Variants in CCDC92 observed in about 807,000 individuals in gnomAD.
CCDC92 encodes the protein coiled-coil domain-containing protein 92.
A neutral mutation model predicts 24.9 loss-of-function variants in CCDC92; 12 were observed. The ratio of observed to expected loss-of-function variants is 0.48; its 90% CI spans 0.31 to 0.78. The LOEUF is 0.78. Among genes scored for constraint, CCDC92 ranks in the 30% least tolerant of loss-of-function variants. The pLI is 0.05. For missense variants in CCDC92, 399 were observed against 439.4 expected (o/e 0.91, Z 0.82); for synonymous variants, 193 against 196.3 (o/e 0.98, Z 0.14).
In CCDC92 at chr12:123,938,861, G is replaced by A. The variant is rs555744953; in HGVS notation, c.224-1031C>T. ...CATCCCTGGCCTCCCCTCCCTGACT[G>A]TGCCTTTCTGCTGGCTGCTCAGTGC... On this transcript the variant is annotated intron_variant, in intron 4 of 4. Coordinates refer to ENST00000238156, the MANE Select transcript of CCDC92 (RefSeq NM_025140.3). 6.6e-5 allele frequency among the ~76,000 whole-genome samples: 10 copies of A among 152,138 alleles called. No individual in the cohort carries two copies. The South Asian group carries it at 2.1e-3, about 32-fold the overall frequency.
At chr12:123,942,350 C>T (rs756141382) in intron 4 of CCDC92, among the ~76,000 whole-genome samples, 24 of 152,238 alleles carry the variant, frequency 1.6e-4, no homozygotes, top group South Asian at 1.0e-3. Flanking sequence ...CCATGCTAGG[C>T]GGCAGCGACA....
intron 1 of CCDC92, chr12:123,968,486 T>C (rs1956444549): frequency 6.6e-6 from 1 of 152,262 alleles, no homozygotes; most frequent in East Asian, 1.9e-4. Context: ...GTATCTGTGA[T>C]TTTTTTTCCT....
intron 4 of CCDC92, among the ~76,000 whole-genome samples, chr12:123,939,235 G>A (rs1238399426): frequency 6.6e-6 from 1 of 152,128 alleles, no homozygotes; most frequent in Non-Finnish European, 1.5e-5. Flanking sequence ...GGCACTGGAC[G>A]CCACTGGACG....
At chr12:123,967,609 G>A (rs1042881872) in intron 1 of CCDC92, among the ~76,000 whole-genome samples, 3 of 152,202 alleles carry the variant, frequency 2.0e-5, no homozygotes, top group Non-Finnish European at 4.4e-5. Context: ...GAAAAATATG[G>A]AGAGCCTAAG....
At chr12:123,965,506 C>T (rs1243541802) in intron 1 of CCDC92, among the ~76,000 whole-genome samples, 1 of 152,034 alleles carries the variant, frequency 6.6e-6, no homozygotes, top group Non-Finnish European at 1.5e-5. Flanking sequence ...CTTGGAGGAG[C>T]TTACATTTCT....
chr12:123,965,737 G>A (rs936976614), intron 1 of CCDC92, among the ~76,000 whole-genome samples: 5 of 152,206 alleles, frequency 3.3e-5, no homozygotes, highest in Non-Finnish European at 7.3e-5. Context: ...GCTCCAAAGT[G>A]CCTTCATCTT....
At chr12:123,945,019 T>C (rs946530825) in intron 1 of CCDC92, 3 of 152,146 alleles carry the variant, frequency 2.0e-5, no homozygotes, top group East Asian at 1.9e-4. Flanking sequence ...AGGGAAATTA[T>C]TACTTTTGTG....
rs1391087721 is a variant in CCDC92 at position 123,938,960 on chromosome 12, T to C, written c.224-1130A>G. ...GTCTTCGTTTCAGCCCATCCTGTAT[T>C]TAGGAAGCTTGGTCACCCCCTAAAT... On this transcript the variant is annotated intron_variant, in intron 4 of 4. Coordinates refer to ENST00000238156, the MANE Select transcript of CCDC92 (RefSeq NM_025140.3). Among the ~76,000 whole-genome samples, 8 of 152,202 alleles carry C rather than the reference T, an allele frequency of 5.3e-5. No individual in the cohort carries two copies. The East Asian group carries it at 1.5e-3, about 29-fold the overall frequency.
chr12:123,962,946 G>A (rs1372713377), intron 1 of CCDC92: 2 of 152,214 alleles, frequency 1.3e-5, no homozygotes, highest in African/African-American at 4.8e-5. Context: ...GAAAGAACAC[G>A]GGGTTCTCAT....
chr12:123,957,075 A>G (rs960356891), intron 1 of CCDC92, among the ~76,000 whole-genome samples: 1 of 152,088 alleles, frequency 6.6e-6, no homozygotes, highest in African/African-American at 2.4e-5. Context: ...GTGCCCCCAT[A>G]ATGGGGTTAA....
In CCDC92 at chr12:123,936,866, G is replaced by A; in HGVS notation, c.*192C>T. The A allele has an allele frequency of 4.5e-6, 3 of 662,782 alleles. No homozygotes were observed. Among genetic ancestry groups the A allele is most frequent in the Non-Finnish European group, 2.5e-6 (1 of 393,326 alleles). 41.1% of individuals were successfully genotyped at this position (662,782 alleles called of 1,614,324 possible). On this transcript the variant is annotated 3_prime_UTR_variant, in exon 5 of 5. Transcript: ENST00000238156. Reference sequence around the variant, plus strand: ...ACAGGCGTTTGGCCACAGCAATTAGGAAATACATATTCTGCGGCAGGGACA... The same window carrying A: ...ACAGGCGTTTGGCCACAGCAATTAGAAAATACATATTCTGCGGCAGGGACA...
rs1428759431 is a variant in CCDC92 at position 123,937,755 on chromosome 12, TTC to T, written c.297_298del (p.Asn100ArgfsTer4). On this transcript the variant is annotated frameshift_variant, in exon 5 of 5. Coordinates refer to ENST00000238156, the MANE Select transcript of CCDC92 (RefSeq NM_025140.3). LOFTEE classifies it high-confidence loss of function. This position sits in a 1 kb window ranked among gnomAD's most constrained non-coding sequence, Gnocchi z 8.4. ...TTCTTTCAACAACTCAGCATTTTCG[TTC>T]TCTTTCACTTTCAGTTGGGCTTCCA... 3 of 1,613,978 alleles carry T rather than the reference TTC, an allele frequency of 1.9e-6. No homozygotes were observed. The highest frequency in any genetic ancestry group is 2.5e-6 in the Non-Finnish European group (3 of 1,180,044).
chr12:123,962,423 T>G (rs1956292476), intron 1 of CCDC92: 1 of 152,250 alleles, frequency 6.6e-6, no homozygotes, highest in African/African-American at 2.4e-5. Flanking sequence ...GGTTGCCTTA[T>G]TTACTAATTT....
At chr12:123,945,892 T>A (rs1376326500) in intron 1 of CCDC92, 1 of 82,364 alleles carries the variant, frequency 1.2e-5, no homozygotes, top group East Asian at 5.0e-4. Flanking sequence ...GGGTCTTGGA[T>A]GACAGGAGAG....
Position 123,937,145 on chromosome 12 carries a change from G to C in CCDC92, c.909C>G (p.Ala303=). The change falls in exon 5 of 5, where the codon GCC becomes GCG. Residue 303 remains alanine (A), a synonymous_variant. Transcript: ENST00000238156. This position sits in a 1 kb window ranked among gnomAD's most constrained non-coding sequence, Gnocchi z 8.4. The part of the protein sequence containing the change: ...HRIHHATPPQ[A]QPEVKTLAVD... ...CCGCCAGGGTCTTCACCTCGGGCTG[G>C]GCCTGCGGCGGGGTGGCGTGGTGGA... 1.2e-6 allele frequency: 2 copies of C among 1,612,692 alleles called. No homozygotes were observed. The highest frequency in any genetic ancestry group is 1.7e-6 in the Non-Finnish European group (2 of 1,179,972).
At chr12:123,939,060 A>T (rs1955608136) in intron 4 of CCDC92, among the ~76,000 whole-genome samples, 1 of 152,034 alleles carries the variant, frequency 6.6e-6, no homozygotes, top group South Asian at 2.1e-4. Flanking sequence ...CCAGTTCCTC[A>T]ATCTGTCCTG....
chr12:123,955,906 C>T (rs1175010505), intron 1 of CCDC92, among the ~76,000 whole-genome samples: 1 of 152,164 alleles, frequency 6.6e-6, no homozygotes. Flanking sequence ...AGACGTTATC[C>T]TTGTGATGTG....
chr12:123,950,114 G>A (rs1187714212), intron 1 of CCDC92, among the ~76,000 whole-genome samples: 1 of 152,242 alleles, frequency 6.6e-6, no homozygotes, highest in Non-Finnish European at 1.5e-5. Context: ...ATGCATCTAA[G>A]CCTTGCCGCT....
chr12:123,959,298 C>T (rs1956220283), intron 1 of CCDC92, among the ~76,000 whole-genome samples: 3 of 152,138 alleles, frequency 2.0e-5, no homozygotes, highest in Non-Finnish European at 1.5e-5. Flanking sequence ...AGCAGCCACA[C>T]CAAATGTCTG....
Sources: gnomAD v4.1 joint callset for allele counts (sites outside exome capture counted in the v4.1 genomes callset) on GRCh38, gnomAD v4.1.1 for gene constraint, Gnocchi (gnomAD v3.1) non-coding constraint, MANE v1.5 for transcripts, NCBI Gene and HGNC (gene_info 2026-07-23, HGNC 2026-07-21) for gene names.